LRRC4C: variants seen among roughly 807,000 people sequenced by gnomAD.
The protein encoded by LRRC4C is leucine-rich repeat-containing protein 4C.
In LRRC4C, 5 loss-of-function variants were observed where a neutral mutation model predicts 33.6. The observed-to-expected ratio is 0.15, with a 90% CI of 0.08 to 0.31. The LOEUF (loss-of-function observed/expected upper bound fraction) is 0.31. LRRC4C is among the 10% of genes least tolerant of loss of function. LRRC4C has a pLI of 1.00. For missense variants in LRRC4C, 560 were observed against 796.7 expected (o/e 0.70, Z 3.58); for synonymous variants, 329 against 302.0 (o/e 1.09, Z -0.93).
intron 3 of LRRC4C, among the ~76,000 whole-genome samples, chr11:40,474,520 T>C (rs746080962): frequency 7.9e-5 from 12 of 152,198 alleles, no homozygotes; most frequent in Non-Finnish European, 1.2e-4. Flanking sequence ...GACATAGGCA[T>C]GGGCAATGAC....
intron 3 of LRRC4C, among the ~76,000 whole-genome samples, chr11:40,408,354 C>T (rs1412277353): frequency 2.6e-5 from 4 of 151,758 alleles, no homozygotes; most frequent in African/African-American, 4.8e-5. Flanking sequence ...GTATAAAAAC[C>T]GTTTTTTGGA....
chr11:40,608,034 G>A (rs1263195707), intron 3 of LRRC4C, among the ~76,000 whole-genome samples: 1 of 152,014 alleles, frequency 6.6e-6, no homozygotes, highest in Non-Finnish European at 1.5e-5. Flanking sequence ...AAAGTACTCT[G>A]GTCAGCAACA....
chr11:40,540,488 T>A (rs1441562887), intron 3 of LRRC4C, among the ~76,000 whole-genome samples: 1 of 152,148 alleles, frequency 6.6e-6, no homozygotes, highest in African/African-American at 2.4e-5. Flanking sequence ...GTATTGTAGA[T>A]CCTGACCAAA....
intron 3 of LRRC4C, among the ~76,000 whole-genome samples, chr11:40,572,732 C>T (rs528971898): frequency 6.6e-6 from 1 of 152,264 alleles, no homozygotes; most frequent in South Asian, 2.1e-4. Flanking sequence ...CTGGAACCAC[C>T]AAGGTTGAGA....
intron 2 of LRRC4C, among the ~76,000 whole-genome samples, chr11:40,785,014 G>A (rs1461196620): frequency 6.6e-6 from 1 of 152,126 alleles, no homozygotes; most frequent in Non-Finnish European, 1.5e-5. Flanking sequence ...AATACCTGAC[G>A]AGTTTCATAA....
chr11:40,869,282 G>A (rs1350915293), intron 2 of LRRC4C, among the ~76,000 whole-genome samples: 1 of 152,032 alleles, frequency 6.6e-6, no homozygotes, highest in East Asian at 1.9e-4. Flanking sequence ...AACAATAACA[G>A]CTCTAGTATT....
At chr11:40,704,864 T>G (rs1013382678) in intron 2 of LRRC4C, among the ~76,000 whole-genome samples, 5 of 152,176 alleles carry the variant, frequency 3.3e-5, no homozygotes, top group African/African-American at 1.2e-4. Context: ...ATGTATCAAT[T>G]CTTTCTGTAA....
At chr11:40,854,907 A>T (rs1953705818) in intron 2 of LRRC4C, among the ~76,000 whole-genome samples, 1 of 152,100 alleles carries the variant, frequency 6.6e-6, no homozygotes. Flanking sequence ...TCACATTTGA[A>T]GGCAAGAGCT....
intron 2 of LRRC4C, among the ~76,000 whole-genome samples, chr11:40,805,836 T>C (rs1220315375): frequency 6.6e-6 from 1 of 152,128 alleles, no homozygotes; most frequent in Non-Finnish European, 1.5e-5. Flanking sequence ...TCACATTCAT[T>C]CTATTTATGT....
intron 1 of LRRC4C, among the ~76,000 whole-genome samples, chr11:41,307,693 C>G (rs1379667289): frequency 1.3e-5 from 2 of 152,186 alleles, no homozygotes; most frequent in Non-Finnish European, 2.9e-5. Context: ...TTCCAAAAAG[C>G]CTGGGCTTTT....
At chr11:40,214,043 C>G (rs911775699) in intron 5 of LRRC4C, among the ~76,000 whole-genome samples, 1 of 152,158 alleles carries the variant, frequency 6.6e-6, no homozygotes, top group Non-Finnish European at 1.5e-5. Flanking sequence ...TCAGATCTGT[C>G]TTACTCCATG....
intron 1 of LRRC4C, among the ~76,000 whole-genome samples, chr11:41,011,009 T>A (rs148389826): frequency 1.5e-3 from 235 of 152,324 alleles, no homozygotes; most frequent in Non-Finnish European, 2.9e-3. Flanking sequence ...GTCTGGCTGT[T>A]ACTGGCTTGA....
intron 2 of LRRC4C, among the ~76,000 whole-genome samples, chr11:40,763,433 C>T (rs1014137097): frequency 1.3e-5 from 2 of 152,094 alleles, no homozygotes; most frequent in African/African-American, 4.8e-5. Flanking sequence ...ATCCCCACTG[C>T]TGCCCAACAG....
At chr11:40,363,518 G>A (rs1020008715) in intron 3 of LRRC4C, among the ~76,000 whole-genome samples, 6 of 151,736 alleles carry the variant, frequency 4.0e-5, no homozygotes, top group African/African-American at 1.2e-4. Flanking sequence ...AATGACTCAC[G>A]TTTATCTATG....
intron 1 of LRRC4C, among the ~76,000 whole-genome samples, chr11:41,451,081 G>T (rs1405049136): frequency 6.6e-6 from 1 of 152,058 alleles, no homozygotes; most frequent in Non-Finnish European, 1.5e-5. Context: ...GGGAAAAATC[G>T]GATTGTTTAC....
At chr11:41,348,134 C>T (rs188461076) in intron 1 of LRRC4C, among the ~76,000 whole-genome samples, 207 of 152,330 alleles carry the variant, frequency 1.4e-3, no homozygotes, top group African/African-American at 4.7e-3. Context: ...TTTTCTACTA[C>T]TTCCTACCTA....
At chr11:40,992,768 C>T (rs1024754382) in intron 1 of LRRC4C, among the ~76,000 whole-genome samples, 2 of 152,098 alleles carry the variant, frequency 1.3e-5, no homozygotes, top group African/African-American at 4.8e-5. Context: ...TATGGGTCTA[C>T]TGTTTAGTAT....
intron 2 of LRRC4C, among the ~76,000 whole-genome samples, chr11:40,914,900 C>G (rs886299074): frequency 6.6e-6 from 1 of 152,022 alleles, no homozygotes; most frequent in Non-Finnish European, 1.5e-5. Flanking sequence ...TCTTATACAC[C>G]AATAACAGAC....
chr11:40,124,105 A>G lies in LRRC4C; in HGVS notation c.-42-7771T>C, dbSNP rs570883670. Among the ~76,000 whole-genome samples the G allele has an allele frequency of 4.6e-5, 7 of 152,330 alleles. No homozygotes were observed. In the East Asian group the frequency reaches 1.2e-3, roughly 25 times the overall value. ...AAATCAAAATGGATTAAAGACTTAA[A>G]TAGACATTGTAATGAGATATCATCT... On this transcript the variant is annotated intron_variant, in intron 6 of 6. Coordinates refer to ENST00000528697, the MANE Select transcript of LRRC4C (RefSeq NM_001258419.2).
Sources: allele counts gnomAD v4.1 joint callset (sites outside exome capture counted in the v4.1 genomes callset), GRCh38; gene constraint gnomAD v4.1.1; transcripts MANE v1.5; gene names NCBI Gene and HGNC (gene_info 2026-07-23, HGNC 2026-07-21).